The following IRAG2 variants were observed in gnomAD, a reference collection of about 807,000 sequenced individuals.
The protein encoded by IRAG2 is inositol 1,4,5-triphosphate receptor associated 2, also known as lymphoid restricted membrane protein.
IRAG2 carries 45 observed loss-of-function variants against 69.9 expected under a neutral mutation model. The ratio of observed to expected loss-of-function variants is 0.64; its 90% confidence interval spans 0.51 to 0.83. The LOEUF (loss-of-function observed/expected upper bound fraction) is 0.83. Among genes scored for constraint, IRAG2 ranks in the 40% least tolerant of loss-of-function variants. The pLI is 0.00. For missense variants in IRAG2, 520 were observed against 587.0 expected (o/e 0.89, Z 1.18); for synonymous variants, 193 against 202.4 (o/e 0.95, Z 0.40).
At chr12:25,055,344 A>G (rs1158148980) in intron 1 of IRAG2, among the ~76,000 whole-genome samples, 1 of 152,234 alleles carries the variant, frequency 6.6e-6, no homozygotes, top group Non-Finnish European at 1.5e-5. Context: ...AAACTGTTCA[A>G]TTGCTTGAAT....
intron 6 of IRAG2, among the ~76,000 whole-genome samples, chr12:25,069,784 C>A (rs1185635209): frequency 6.6e-6 from 1 of 152,128 alleles, no homozygotes. Flanking sequence ...CCCATTGATT[C>A]TCCAAGAATT....
chr12:25,102,406 T>C, intron 17 of IRAG2, 165 bp downstream of exon 17: 2 of 605,280 alleles, frequency 3.3e-6, no homozygotes, highest in South Asian at 2.1e-5. Flanking sequence ...TGCTATATTT[T>C]TGTATCAATT....
intron 7 of IRAG2, among the ~76,000 whole-genome samples, chr12:25,021,233 G>A (rs936643452): frequency 6.6e-6 from 1 of 151,476 alleles, no homozygotes; most frequent in Admixed American, 6.6e-5. Flanking sequence ...GCTTCCCAAA[G>A]TGTTGGGATT....
intron 16 of IRAG2, among the ~76,000 whole-genome samples, chr12:25,046,958 T>C (rs1276397546): frequency 6.6e-6 from 1 of 152,086 alleles, no homozygotes; most frequent in African/African-American, 2.4e-5. Flanking sequence ...TAAACCAGTA[T>C]GGTATTAGCA....
chr12:25,061,621 A>G lies in IRAG2; in HGVS notation c.-417A>G, dbSNP rs958698408. On this transcript the variant is annotated 5_prime_UTR_variant, in exon 2 of 22. Transcript: ENST00000556887. ...AATTGAGTCACTTCAAAAGGAGTTC[A>G]TTGAAGGGGAACACCATGGCTTGCT... The G allele has an allele frequency of 7.5e-6, 3 of 398,516 alleles. No homozygotes were observed. Among genetic ancestry groups the G allele is most frequent in the Non-Finnish European group, 1.3e-5 (3 of 226,062 alleles). 24.7% of individuals were successfully genotyped at this position (398,516 alleles called of 1,614,324 possible).
At chr12:25,004,961 A>G in intron 1 of IRAG2, 1 of 1,132,450 alleles carries the variant, frequency 8.8e-7, no homozygotes, top group African/African-American at 1.6e-5. Flanking sequence ...AGAGCAATAA[A>G]CATATCTACT....
At chr12:25,048,639 T>A (rs904075936), upstream of IRAG2, among the ~76,000 whole-genome samples, 3 of 152,250 alleles carry the variant, frequency 2.0e-5, no homozygotes, top group East Asian at 5.8e-4. Flanking sequence ...TTTGTTAAAG[T>A]TCCTTGCAGA....
chr12:25,094,067 G>T (rs1592079137), intron 14 of IRAG2, among the ~76,000 whole-genome samples: 1 of 146,214 alleles, frequency 6.8e-6, no homozygotes, highest in East Asian at 1.9e-4. Context: ...GTCCTTTGAT[G>T]TATAAAGACT....
chr12:25,058,774 C>T (rs1473468300), intron 1 of IRAG2, among the ~76,000 whole-genome samples: 1 of 152,210 alleles, frequency 6.6e-6, no homozygotes, highest in African/African-American at 2.4e-5. Context: ...TCCCATCCTA[C>T]ATGGCAGATG....
chr12:25,040,515 AAG>A (rs942643713), intron 16 of IRAG2, among the ~76,000 whole-genome samples: 42 of 151,632 alleles, frequency 2.8e-4, no homozygotes, highest in Non-Finnish European at 3.5e-4. Flanking sequence ...CTTAAAAAAA[AAG>A]AGAGAGAGAG....
chr12:25,083,325 C>A, intron 9 of IRAG2, 98 bp from the exon 10 acceptor site: 2 of 783,122 alleles, frequency 2.6e-6, no homozygotes, highest in South Asian at 1.4e-5. Flanking sequence ...AGACCTTTGT[C>A]AGTTACTGGT....
intron 6 of IRAG2, among the ~76,000 whole-genome samples, chr12:25,077,253 G>GATATATATGAA (rs1946787124): frequency 4.4e-5 from 1 of 22,940 alleles, no homozygotes; most frequent in African/African-American, 1.5e-4. Context: ...ATATATATAT[G>GATATATATGAA]ATATATATAT....
intron 9 of IRAG2, among the ~76,000 whole-genome samples, 166 bp downstream of exon 9, chr12:25,079,929 C>T (rs1947082465): frequency 6.6e-6 from 1 of 152,018 alleles, no homozygotes; most frequent in Non-Finnish European, 1.5e-5. Flanking sequence ...AAAAGAAATC[C>T]AAGTGGTAAC....
intron 1 of IRAG2, among the ~76,000 whole-genome samples, chr12:25,053,473 T>C (rs992635468): frequency 1.3e-5 from 2 of 152,076 alleles, no homozygotes; most frequent in African/African-American, 4.8e-5. Context: ...ATGCATTCTC[T>C]ACATACATCT....
At position 25,061,765 on chromosome 12, in the gene IRAG2, C is replaced by T. The variant is rs771919541; in HGVS notation, c.-385+112C>T. 246 of 395,944 alleles carry T rather than the reference C, an allele frequency of 6.2e-4. 2 individuals carry two copies. Among genetic ancestry groups the T allele is most frequent in the Admixed American group, 1.3e-3 (29 of 22,676 alleles). 24.5% of individuals were successfully genotyped at this position (395,944 alleles called of 1,614,324 possible). On this transcript the variant is annotated intron_variant, in intron 2 of 21. Transcript: ENST00000556887. The stretch of plus-strand genomic sequence containing the variant: ...TGACTTTAATCATTAAATTAAATAA[C>T]CAGTTTAGAAGAAAATGTTTTGGTG...
rs541277957 is a variant in IRAG2 at position 25,027,396 on chromosome 12, T to C, written c.1461+530T>C. 5.6e-5 allele frequency among the ~76,000 whole-genome samples: 8 copies of C among 141,882 alleles called. No individual in the cohort carries two copies. In the East Asian group the frequency reaches 1.7e-3, roughly 30 times the overall value. 93.1% of individuals were successfully genotyped at this position (141,882 alleles called of 152,430 possible). On this transcript the variant is annotated intron_variant, in intron 9 of 38. Transcript: ENST00000636465. Reference sequence around the variant, plus strand: ...AGCATGTATTACTACCTCTTTTTTTTTCTTTTTTTTTTTTTTGAGACAGAA... The same window carrying C: ...AGCATGTATTACTACCTCTTTTTTTCTCTTTTTTTTTTTTTTGAGACAGAA...
At chr12:25,012,916 T>A (rs1386855950) in intron 3 of IRAG2, among the ~76,000 whole-genome samples, 1 of 152,188 alleles carries the variant, frequency 6.6e-6, no homozygotes, top group African/African-American at 2.4e-5. Context: ...AAAATATGAC[T>A]GAAATGTTGC....
intron 10 of IRAG2, among the ~76,000 whole-genome samples, chr12:25,085,346 A>G (rs1947507560): frequency 8.6e-6 from 1 of 116,404 alleles, no homozygotes; most frequent in Admixed American, 7.7e-5. Flanking sequence ...GGAAGGTGGT[A>G]TGGAATGGGA....
chr12:24,999,577 A>G (rs779956768), upstream of IRAG2, among the ~76,000 whole-genome samples: 1 of 152,200 alleles, frequency 6.6e-6, no homozygotes, highest in Non-Finnish European at 1.5e-5. Flanking sequence ...GCTCACATGA[A>G]TCCAAGTGGA....
Sources: allele counts gnomAD v4.1 joint callset (sites outside exome capture counted in the v4.1 genomes callset), GRCh38; gene constraint gnomAD v4.1.1; transcripts MANE v1.5; gene names NCBI Gene and HGNC (gene_info 2026-07-23, HGNC 2026-07-21).